The following SLC25A21 variants were observed in gnomAD, a reference collection of about 807,000 sequenced individuals.
The protein encoded by SLC25A21 is solute carrier family 25 member 21, also known as mitochondrial 2-oxodicarboxylate carrier.
SLC25A21 carries 47 observed loss-of-function variants against 43.8 expected under a neutral mutation model. The ratio of observed to expected loss-of-function variants is 1.07; its 90% CI spans 0.85 to 1.37. SLC25A21 has a LOEUF of 1.37. Ranked by LOEUF, SLC25A21 falls within the 40% of genes most tolerant of loss-of-function variation. The probability of loss-of-function intolerance (pLI) is 0.00; values close to 1 mark genes in which losing one functional copy is unlikely to be tolerated. For synonymous variants in SLC25A21, 131 were observed against 121.3 expected (o/e 1.08, Z -0.52); for missense variants, 352 against 350.2 (o/e 1.00, Z -0.04).
At chr14:37,035,378 T>C (rs1375787527) in intron 1 of SLC25A21, among the ~76,000 whole-genome samples, 1 of 152,230 alleles carries the variant, frequency 6.6e-6, no homozygotes, top group Non-Finnish European at 1.5e-5. Context: ...CCCTGTGAGT[T>C]GTTTTCTTCA....
intron 1 of SLC25A21, among the ~76,000 whole-genome samples, chr14:37,163,626 C>T (rs572270403): frequency 6.6e-6 from 1 of 152,046 alleles, no homozygotes; most frequent in African/African-American, 2.4e-5. Context: ...AAATACTGCA[C>T]CTTTAACCTG....
At chr14:36,757,309 C>T (rs140252697) in intron 3 of SLC25A21, among the ~76,000 whole-genome samples, 192 of 152,088 alleles carry the variant, frequency 1.3e-3, no homozygotes, top group African/African-American at 4.5e-3. Context: ...TACCCAAATA[C>T]ATATAAAGTA....
At chr14:37,085,822 T>C (rs1329985286) in intron 1 of SLC25A21, among the ~76,000 whole-genome samples, 1 of 152,142 alleles carries the variant, frequency 6.6e-6, no homozygotes, top group Non-Finnish European at 1.5e-5. Context: ...TTCTGAAAAC[T>C]TGGCCGGCCG....
chr14:36,757,216 C>T lies in SLC25A21; in HGVS notation c.204-22643G>A, dbSNP rs1353752456. Among the ~76,000 whole-genome samples, 11 of 152,184 alleles carry T rather than the reference C, an allele frequency of 7.2e-5. No individual in the cohort carries two copies. The East Asian group carries it at 2.1e-3, about 29-fold the overall frequency. On this transcript the variant is annotated intron_variant, in intron 3 of 9. Transcript: ENST00000331299. ...GAGATTGCAGGGAGCCAATATTGCACCACTGCTCTCCAGCCTGGGTGACAG... is the reference window on the plus strand; with the variant it reads ...GAGATTGCAGGGAGCCAATATTGCATCACTGCTCTCCAGCCTGGGTGACAG...
chr14:37,047,366 T>C (rs1035711950), intron 1 of SLC25A21, among the ~76,000 whole-genome samples: 3 of 152,126 alleles, frequency 2.0e-5, no homozygotes, highest in Non-Finnish European at 4.4e-5. Context: ...GGATAACAGA[T>C]ATGAATCAAC....
At chr14:37,164,162 G>A (rs1019112743) in intron 1 of SLC25A21, among the ~76,000 whole-genome samples, 4 of 152,140 alleles carry the variant, frequency 2.6e-5, no homozygotes, top group African/African-American at 7.2e-5. Flanking sequence ...GGAAGGTAGA[G>A]TAAAATAAGA....
At chr14:36,909,474 T>C (rs1176410951) in intron 1 of SLC25A21, among the ~76,000 whole-genome samples, 5 of 152,212 alleles carry the variant, frequency 3.3e-5, no homozygotes, top group Non-Finnish European at 7.3e-5. Context: ...GCCTTTTAAA[T>C]AAAATCCCCA....
chr14:37,168,140 T>C lies in SLC25A21; in HGVS notation c.70+4141A>G, dbSNP rs1156332663. ...CATACTCCTTCCTGCAGCTCATCCA[T>C]AGACCATATTTTGAGTACCAAGGGT... On this transcript the variant is annotated intron_variant, in intron 1 of 9. Transcript: ENST00000331299. Among the ~76,000 whole-genome samples, 4 of 152,064 alleles carry C rather than the reference T, an allele frequency of 2.6e-5. 1 individual carries two copies. The highest frequency in any genetic ancestry group is 5.9e-5 in the Non-Finnish European group (4 of 67,994).
intron 1 of SLC25A21, among the ~76,000 whole-genome samples, chr14:37,130,087 CAAAAAA>C (rs111382394): frequency 7.4e-5 from 9 of 121,080 alleles, no homozygotes; most frequent in African/African-American, 2.8e-4. Flanking sequence ...CCTGTCTCTA[CAAAAAA>C]AAAAAAAAAA....
At chr14:37,147,844 C>CTTTTTTTTTTTTTTTTTTTTTTTT (rs61239254) in intron 1 of SLC25A21, among the ~76,000 whole-genome samples, 3 of 126,252 alleles carry the variant, frequency 2.4e-5, no homozygotes, top group Non-Finnish European at 3.2e-5. Context: ...TTTTTCTTTT[C>CTTTTTTTTTTTTTTTTTTTTTTTT]TTTTTTTTTT....
chr14:37,121,799 A>T (rs201940474), intron 1 of SLC25A21, among the ~76,000 whole-genome samples: 1 of 944 alleles, frequency 1.1e-3, no homozygotes. Flanking sequence ...AAAAAGAACC[A>T]AAAAAAAACA....
intron 3 of SLC25A21, among the ~76,000 whole-genome samples, chr14:36,779,609 CATATATATATATATATATATAT>C (rs35392668): frequency 4.1e-5 from 5 of 122,484 alleles, no homozygotes; most frequent in Non-Finnish European, 8.7e-5. Flanking sequence ...TATGTGTATA[CATATATATATATATATATATAT>C]ATATATATAT....
At chr14:37,039,059 T>C (rs1188749803) in intron 1 of SLC25A21, among the ~76,000 whole-genome samples, 2 of 152,122 alleles carry the variant, frequency 1.3e-5, no homozygotes, top group African/African-American at 4.8e-5. Context: ...TCTGACACCA[T>C]CTTAGGAGCA....
At chr14:36,748,755 T>G (rs1331550865) in intron 3 of SLC25A21, among the ~76,000 whole-genome samples, 1 of 152,204 alleles carries the variant, frequency 6.6e-6, no homozygotes, top group Non-Finnish European at 1.5e-5. Context: ...TGCTGATAAC[T>G]GTCATACATC....
At chr14:37,066,010 G>A (rs1377894050) in intron 1 of SLC25A21, among the ~76,000 whole-genome samples, 5 of 152,178 alleles carry the variant, frequency 3.3e-5, no homozygotes, top group South Asian at 4.2e-4. Context: ...TATAAGGAGC[G>A]GGATATTCGT....
intron 1 of SLC25A21, chr14:37,098,011 C>T (rs748048866): frequency 5.9e-5 from 9 of 152,038 alleles, no homozygotes; most frequent in Non-Finnish European, 5.9e-5. Flanking sequence ...GTTCCTTTTA[C>T]GGTTCTTACA....
At chr14:37,145,468 C>G (rs1325759401) in intron 1 of SLC25A21, among the ~76,000 whole-genome samples, 25 of 68,348 alleles carry the variant, frequency 3.7e-4, no homozygotes, top group South Asian at 1.4e-3. Flanking sequence ...CACACACACA[C>G]ACACACACAG....
At chr14:36,925,973 C>T (rs759590071) in intron 1 of SLC25A21, among the ~76,000 whole-genome samples, 4 of 152,132 alleles carry the variant, frequency 2.6e-5, no homozygotes, top group Non-Finnish European at 5.9e-5. Flanking sequence ...ATCAGTAGGT[C>T]TACAGAAGAC....
chr14:37,071,054 A>G (rs1175246605), intron 1 of SLC25A21, among the ~76,000 whole-genome samples: 1 of 109,314 alleles, frequency 9.1e-6, no homozygotes, highest in African/African-American at 6.6e-5. Context: ...AAGGGAAAGG[A>G]GAAGACACTG....
Sources: gnomAD v4.1 joint callset for allele counts (sites outside exome capture counted in the v4.1 genomes callset) on GRCh38, gnomAD v4.1.1 for gene constraint, MANE v1.5 for transcripts, NCBI Gene and HGNC (gene_info 2026-07-23, HGNC 2026-07-21) for gene names.